The following CWC27 variants were observed in gnomAD, a reference collection of about 807,000 sequenced individuals.
CWC27 encodes the protein spliceosome-associated protein CWC27 homolog.
Under a neutral mutation model 63.6 loss-of-function variants are expected in CWC27, and 47 were observed. The ratio of observed to expected loss-of-function variants is 0.74; its 90% CI spans 0.58 to 0.94. The LOEUF (loss-of-function observed/expected upper bound fraction) is 0.94, where lower values mean the gene tolerates loss of function less well. Ranked by LOEUF, CWC27 falls within the 40% of genes least tolerant of loss-of-function variation. The pLI is 0.00. For synonymous variants in CWC27, 175 were observed against 179.8 expected, an observed-to-expected ratio of 0.97 and a Z score of 0.22; for missense variants, 495 against 554.3, an observed-to-expected ratio of 0.89 and a Z score of 1.07.
chr5:64,972,010 G>T (rs1304502915), intron 12 of CWC27, among the ~76,000 whole-genome samples, 198 bp downstream of exon 12: 3 of 152,176 alleles, frequency 2.0e-5, no homozygotes, highest in African/African-American at 7.2e-5. Flanking sequence ...GACATTGGTG[G>T]TGAAAAAGCC....
chr5:64,803,004 A>G (rs1191930772), intron 9 of CWC27, among the ~76,000 whole-genome samples: 1 of 152,180 alleles, frequency 6.6e-6, no homozygotes, highest in African/African-American at 2.4e-5. Flanking sequence ...TGAGCATGGA[A>G]GGCCTAGGTT....
At chr5:64,873,157 C>T (rs1451755046) in intron 10 of CWC27, among the ~76,000 whole-genome samples, 1 of 152,060 alleles carries the variant, frequency 6.6e-6, no homozygotes. Context: ...AAAAGGAATG[C>T]ATAAGCTTTT....
intron 11 of CWC27, among the ~76,000 whole-genome samples, chr5:64,937,109 C>G (rs893246632): frequency 1.3e-5 from 2 of 152,100 alleles, no homozygotes; most frequent in African/African-American, 4.8e-5. Flanking sequence ...CAGTTCTACT[C>G]TGATCTTAGT....
At chr5:64,778,960 A>C (rs1743556262) in intron 2 of CWC27, among the ~76,000 whole-genome samples, 1 of 152,206 alleles carries the variant, frequency 6.6e-6, no homozygotes, top group South Asian at 2.1e-4. Context: ...TAATTTTTAA[A>C]ATATGCATTG....
intron 11 of CWC27, among the ~76,000 whole-genome samples, chr5:64,904,189 T>C (rs10471641): frequency 0.95 from 144,386 of 152,296 alleles, 68,505 homozygotes; most frequent in East Asian, 1. Flanking sequence ...TCAAACCATT[T>C]ACATATTTTA....
chr5:64,964,598 C>G (rs1486770211), intron 11 of CWC27, among the ~76,000 whole-genome samples: 1 of 152,054 alleles, frequency 6.6e-6, no homozygotes, highest in Non-Finnish European at 1.5e-5. Context: ...ATTAAGTTGC[C>G]CTTCATCAGC....
intron 13 of CWC27, among the ~76,000 whole-genome samples, chr5:65,006,099 A>G (rs1410924326): frequency 3.9e-5 from 6 of 152,330 alleles, no homozygotes; most frequent in Non-Finnish European, 8.8e-5. Flanking sequence ...TAACATTATA[A>G]TAAGTGCCAA....
At chr5:64,990,724 A>G (rs537284973) in intron 13 of CWC27, among the ~76,000 whole-genome samples, 1 of 152,288 alleles carries the variant, frequency 6.6e-6, no homozygotes, top group Admixed American at 6.5e-5. Flanking sequence ...TTTATCAATT[A>G]ATAACTCTAG....
At chr5:64,959,858 T>G (rs1341563862) in intron 11 of CWC27, among the ~76,000 whole-genome samples, 1 of 152,242 alleles carries the variant, frequency 6.6e-6, no homozygotes, top group Admixed American at 6.5e-5. Context: ...GCAAGGCATA[T>G]GCTAGGCCAC....
At chr5:64,824,545 T>C (rs1745303081) in intron 10 of CWC27, among the ~76,000 whole-genome samples, 1 of 152,104 alleles carries the variant, frequency 6.6e-6, no homozygotes, top group South Asian at 2.1e-4. Context: ...AGCTTAGTTA[T>C]GGAATGTGAG....
At chr5:64,926,736 A>T (rs1362597657) in intron 11 of CWC27, among the ~76,000 whole-genome samples, 1 of 151,394 alleles carries the variant, frequency 6.6e-6, no homozygotes, top group East Asian at 1.9e-4. Flanking sequence ...AAATAAAGAG[A>T]AAAAAAAATA....
intron 10 of CWC27, among the ~76,000 whole-genome samples, chr5:64,818,264 A>G (rs1235573371): frequency 6.6e-6 from 1 of 152,132 alleles, no homozygotes; most frequent in East Asian, 1.9e-4. Context: ...TATGTACTCA[A>G]TAGATAGGAA....
chr5:64,901,882 A>C (rs1747518569), intron 11 of CWC27, among the ~76,000 whole-genome samples: 1 of 152,170 alleles, frequency 6.6e-6, no homozygotes, highest in Admixed American at 6.5e-5. Flanking sequence ...ACTTAAAAAG[A>C]AGACAAAATC....
chr5:65,003,510 T>C lies in CWC27; in HGVS notation c.1257-14649T>C, dbSNP rs146636843. 2.3e-3 allele frequency among the ~76,000 whole-genome samples: 354 copies of C among 152,330 alleles called. 2 individuals are homozygous for C. Among genetic ancestry groups the C allele is most frequent in the Non-Finnish European group, 3.3e-3 (226 of 68,028 alleles). The stretch of plus-strand genomic sequence containing the variant: ...CTCTACAATGAGTTTTATACTTTCA[T>C]ATGTTTTCATGATGGTAGATATTGT... On this transcript the variant is annotated intron_variant, in intron 13 of 13. Coordinates refer to ENST00000381070, the MANE Select transcript of CWC27 (RefSeq NM_005869.4).
At chr5:64,982,918 A>C (rs1201277297) in intron 13 of CWC27, among the ~76,000 whole-genome samples, 1 of 152,134 alleles carries the variant, frequency 6.6e-6, no homozygotes, top group Non-Finnish European at 1.5e-5. Context: ...TGTCACATCA[A>C]CGGCGGCATT....
At chr5:64,925,502 G>T (rs1203302689) in intron 11 of CWC27, among the ~76,000 whole-genome samples, 1 of 152,140 alleles carries the variant, frequency 6.6e-6, no homozygotes, top group Non-Finnish European at 1.5e-5. Context: ...GCATCTCATT[G>T]TTGATTATTC....
chr5:64,894,383 G>A (rs1351362083), intron 11 of CWC27, among the ~76,000 whole-genome samples: 3 of 151,988 alleles, frequency 2.0e-5, no homozygotes, highest in Non-Finnish European at 4.4e-5. Flanking sequence ...AACCTTGAGT[G>A]GATGTAGTCT....
chr5:64,808,085 T>C (rs777489033), intron 10 of CWC27: 53 of 1,200,760 alleles, frequency 4.4e-5, no homozygotes, highest in Non-Finnish European at 5.1e-5. Context: ...AACCTTACTA[T>C]TTAAAGTGTG....
chr5:64,833,914 G>A lies in CWC27; in HGVS notation c.938+29528G>A, dbSNP rs567720700. On this transcript the variant is annotated intron_variant, in intron 10 of 13. Transcript: ENST00000381070. ...TAAAAGTACCTAACCATACTTTTGG[G>A]GCCAACAGGAAACTTTATTATATTG... 2.0e-5 allele frequency among the ~76,000 whole-genome samples: 3 copies of A among 151,474 alleles called. No individual in the cohort carries two copies. The South Asian group carries it at 6.3e-4, about 32-fold the overall frequency.
Sources: allele counts gnomAD v4.1 joint callset (sites outside exome capture counted in the v4.1 genomes callset), GRCh38; gene constraint gnomAD v4.1.1; transcripts MANE v1.5; gene names NCBI Gene and HGNC (gene_info 2026-07-23, HGNC 2026-07-21).